Variants in PTPRG observed in about 807,000 individuals in gnomAD.
PTPRG encodes receptor-type tyrosine-protein phosphatase gamma.
A neutral mutation model predicts 165.3 loss-of-function variants in PTPRG; 102 were observed. That is an observed-to-expected ratio of 0.62 (90% CI 0.53 to 0.73). The LOEUF (loss-of-function observed/expected upper bound fraction) is 0.73, where lower values mean the gene tolerates loss of function less well. Ranked by LOEUF, PTPRG falls within the 30% of genes least tolerant of loss-of-function variation. The pLI, the probability that PTPRG is intolerant of heterozygous loss-of-function variation, is 0.00. For missense variants in PTPRG, 1,866 were observed against 1,861.4 expected (o/e 1.00, Z -0.05); for synonymous variants, 675 against 669.5 (o/e 1.01, Z -0.13).
chr3:61,808,069 G>C (rs1050401735), intron 2 of PTPRG, among the ~76,000 whole-genome samples: 1 of 152,140 alleles, frequency 6.6e-6, no homozygotes, highest in South Asian at 2.1e-4. Context: ...ATCCAGGCAC[G>C]GAGCTGATAT....
intron 1 of PTPRG, among the ~76,000 whole-genome samples, chr3:61,602,301 G>GA (rs899741146): frequency 1.3e-5 from 2 of 151,986 alleles, no homozygotes; most frequent in African/African-American, 4.8e-5. Context: ...AAACAAGAAG[G>GA]AAAAAATATG....
Position 62,219,174 on chromosome 3 carries a change from G to A in PTPRG, c.2288+191G>A, listed in dbSNP as rs1700590438. 2.6e-5 allele frequency among the ~76,000 whole-genome samples: 4 copies of A among 152,300 alleles called. No individual in the cohort carries two copies. The highest frequency in any genetic ancestry group is 3.4e-3 in the Middle Eastern group (1 of 294). On this transcript the variant is annotated intron_variant, in intron 13 of 29. Coordinates refer to ENST00000474889, the MANE Select transcript of PTPRG (RefSeq NM_002841.4). The surrounding 1 kb of genome is among the most constrained non-coding windows in gnomAD (Gnocchi z 4.5). ...GGGCCAGATCCACTTTTGAGGTCAAGGCATTTATGGTAAGCTTCTGGGATT... is the reference window on the plus strand; with the variant it reads ...GGGCCAGATCCACTTTTGAGGTCAAAGCATTTATGGTAAGCTTCTGGGATT...
At chr3:61,698,938 A>C (rs186826449) in intron 1 of PTPRG, among the ~76,000 whole-genome samples, 156 of 152,186 alleles carry the variant, frequency 1.0e-3, no homozygotes, top group African/African-American at 3.6e-3. Context: ...CAAACACTGC[A>C]TGCTCTCACT....
chr3:62,040,083 T>C (rs1238700265), intron 4 of PTPRG, among the ~76,000 whole-genome samples: 2 of 152,258 alleles, frequency 1.3e-5, no homozygotes, highest in Non-Finnish European at 2.9e-5. Context: ...AAAATGTTGC[T>C]TTTATAGCTG....
At chr3:62,159,194 G>A (rs1704650824) in intron 7 of PTPRG, among the ~76,000 whole-genome samples, 1 of 152,124 alleles carries the variant, frequency 6.6e-6, no homozygotes, top group South Asian at 2.1e-4. Flanking sequence ...TCCAGGCGTG[G>A]TGGCACATGT....
intron 28 of PTPRG, among the ~76,000 whole-genome samples, chr3:62,289,707 C>G (rs1280569986): frequency 1.4e-5 from 2 of 140,222 alleles, no homozygotes; most frequent in African/African-American, 5.2e-5. Flanking sequence ...ATCCCCCCCC[C>G]CCAAAAAAAA....
chr3:61,851,524 G>A (rs922370129), intron 2 of PTPRG, among the ~76,000 whole-genome samples: 1 of 152,070 alleles, frequency 6.6e-6, no homozygotes, highest in African/African-American at 2.4e-5. Context: ...CTGTATAAAC[G>A]TACCTAACAT....
chr3:61,728,487 GC>G (rs1427163936), intron 1 of PTPRG, among the ~76,000 whole-genome samples: 2 of 152,050 alleles, frequency 1.3e-5, no homozygotes, highest in Admixed American at 6.6e-5. Flanking sequence ...GGAGGTTGAG[GC>G]AAGAGGATCA....
chr3:61,617,009 T>A (rs2106887043), intron 1 of PTPRG, among the ~76,000 whole-genome samples: 1 of 151,968 alleles, frequency 6.6e-6, no homozygotes, highest in East Asian at 1.9e-4. Context: ...ACTGCTGGAG[T>A]TTTGGTAAAA....
intron 1 of PTPRG, among the ~76,000 whole-genome samples, chr3:61,619,483 G>A (rs1701390407): frequency 6.6e-6 from 1 of 152,154 alleles, no homozygotes; most frequent in African/African-American, 2.4e-5. Context: ...GCATGCTGCT[G>A]GGCATCCAGT....
At chr3:62,256,739 CCA>C (rs1202740395) in intron 16 of PTPRG, among the ~76,000 whole-genome samples, 1 of 152,138 alleles carries the variant, frequency 6.6e-6, no homozygotes, top group African/African-American at 2.4e-5. Flanking sequence ...AAATGCAACT[CCA>C]GTTTCTCAAT....
rs150894819 is a variant in PTPRG at position 61,628,524 on chromosome 3, G to A, written c.85+66152G>A. On this transcript the variant is annotated intron_variant, in intron 1 of 29. Coordinates refer to ENST00000474889, the MANE Select transcript of PTPRG (RefSeq NM_002841.4). ...TATTGTTGTATTTTTTGTAGAGACA[G>A]GGTTTTACCATGTTGGCCAGGCTGG... 6.8e-3 allele frequency among the ~76,000 whole-genome samples: 1,042 copies of A among 152,232 alleles called. 8 individuals carry two copies. Among genetic ancestry groups the A allele is most frequent in the African/African-American group, 0.024 (990 of 41,532 alleles).
chr3:62,187,726 G>C (rs551638588), intron 8 of PTPRG, among the ~76,000 whole-genome samples: 1 of 152,132 alleles, frequency 6.6e-6, no homozygotes, highest in Non-Finnish European at 1.5e-5. Context: ...ATTTGGCCCA[G>C]TATAGCTAGA....
At chr3:61,762,992 G>A (rs773270165) in intron 2 of PTPRG, among the ~76,000 whole-genome samples, 3 of 152,104 alleles carry the variant, frequency 2.0e-5, no homozygotes, top group East Asian at 1.9e-4. Context: ...GAAAGGGAAC[G>A]TGTCCCTTTC....
At chr3:62,090,279 A>G (rs1386133012) in intron 5 of PTPRG, among the ~76,000 whole-genome samples, 1 of 152,180 alleles carries the variant, frequency 6.6e-6, no homozygotes, top group Non-Finnish European at 1.5e-5. Flanking sequence ...ATGAGGTTTC[A>G]GTGAATTATT....
At chr3:61,803,225 A>T (rs2035300378) in intron 2 of PTPRG, among the ~76,000 whole-genome samples, 1 of 152,246 alleles carries the variant, frequency 6.6e-6, no homozygotes, top group Admixed American at 6.5e-5. Flanking sequence ...AAAAGTAAAA[A>T]GAAAAAGGTG....
At chr3:62,002,373 A>G (rs1367042016) in intron 3 of PTPRG, among the ~76,000 whole-genome samples, 1 of 152,170 alleles carries the variant, frequency 6.6e-6, no homozygotes, top group Non-Finnish European at 1.5e-5. Flanking sequence ...CATTCGGTAT[A>G]TTGTTTGGCA....
At chr3:61,978,877 G>A (rs1484847658) in intron 2 of PTPRG, among the ~76,000 whole-genome samples, 1 of 152,156 alleles carries the variant, frequency 6.6e-6, no homozygotes, top group African/African-American at 2.4e-5. Flanking sequence ...GTTTGCAAAT[G>A]CCCGTTTTGG....
At chr3:61,642,714 G>A (rs9826684) in intron 1 of PTPRG, among the ~76,000 whole-genome samples, 38,257 of 152,108 alleles carry the variant, frequency 0.25, 6,717 homozygotes, top group African/African-American at 0.5. Flanking sequence ...TGCTATATGT[G>A]GTAGAAGCTT....
Sources: allele counts gnomAD v4.1 joint callset (sites outside exome capture counted in the v4.1 genomes callset), GRCh38; gene constraint gnomAD v4.1.1; non-coding constraint Gnocchi (gnomAD v3.1); transcripts MANE v1.5; gene names NCBI Gene and HGNC (gene_info 2026-07-23, HGNC 2026-07-21).